PRKG1: variants seen among roughly 807,000 people sequenced by gnomAD.
PRKG1 encodes the protein protein kinase cGMP-dependent 1.
A neutral mutation model predicts 88.1 loss-of-function variants in PRKG1; 35 were observed. The ratio of observed to expected loss-of-function variants is 0.40; its 90% confidence interval spans 0.30 to 0.53. The LOEUF is 0.53. Ranked by LOEUF, PRKG1 falls within the 20% of genes least tolerant of loss-of-function variation. The pLI, the probability that PRKG1 is intolerant of heterozygous loss-of-function variation, is 0.59. For missense variants in PRKG1, 540 were observed against 839.8 expected (o/e 0.64, Z 4.41); for synonymous variants, 303 against 292.5 (o/e 1.04, Z -0.37).
chr10:51,764,821 A>G (rs145389721), intron 3 of PRKG1, among the ~76,000 whole-genome samples: 3 of 152,314 alleles, frequency 2.0e-5, no homozygotes, highest in African/African-American at 7.2e-5. Flanking sequence ...GAGGTGATTA[A>G]ATCACAAGGG....
intron 4 of PRKG1, among the ~76,000 whole-genome samples, chr10:51,866,491 A>G (rs79146755): frequency 0.098 from 14,846 of 151,190 alleles, 965 homozygotes; most frequent in African/African-American, 0.18. Flanking sequence ...ATCTACTATT[A>G]GCTTAAAGCT....
chr10:51,860,443 G>A (rs1395548765), intron 4 of PRKG1, among the ~76,000 whole-genome samples: 2 of 152,174 alleles, frequency 1.3e-5, no homozygotes, highest in Non-Finnish European at 2.9e-5. Context: ...CCAGAAGGAA[G>A]TGACACAAGT....
chr10:51,860,537 C>T (rs1039605325), intron 4 of PRKG1, among the ~76,000 whole-genome samples: 3 of 152,124 alleles, frequency 2.0e-5, no homozygotes, highest in African/African-American at 4.8e-5. Flanking sequence ...ACTGTGCTCC[C>T]GTTTGCCTAG....
chr10:52,180,777 T>C (rs1490688796), intron 9 of PRKG1, among the ~76,000 whole-genome samples: 1 of 151,670 alleles, frequency 6.6e-6, no homozygotes, highest in Non-Finnish European at 1.5e-5. Context: ...GCACGGTGAG[T>C]TGGCCAATTT....
chr10:51,611,319 C>T (rs765247585), intron 3 of PRKG1, among the ~76,000 whole-genome samples: 1 of 151,566 alleles, frequency 6.6e-6, no homozygotes, highest in Non-Finnish European at 1.5e-5. Flanking sequence ...TAGCCATTCT[C>T]ACTAGGGTGA....
At chr10:51,554,525 A>G (rs1837260053) in intron 3 of PRKG1, among the ~76,000 whole-genome samples, 1 of 150,492 alleles carries the variant, frequency 6.6e-6, no homozygotes, top group Non-Finnish European at 1.5e-5. Context: ...TATTTACTCA[A>G]TGATTTTTCA....
rs149372903 is a variant in PRKG1, at chr10:52,058,031, G to C, written c.840+3470G>C. Reference sequence around the variant, plus strand: ...AACAGTAATTATTTATACATGATATGTTTTTAGTTTCTTTTAGGATTTTAT... The same window carrying C: ...AACAGTAATTATTTATACATGATATCTTTTTAGTTTCTTTTAGGATTTTAT... On this transcript the variant is annotated intron_variant, in intron 6 of 17. Coordinates refer to ENST00000373980, the MANE Select transcript of PRKG1 (RefSeq NM_006258.4). Among the ~76,000 whole-genome samples the C allele has an allele frequency of 2.8e-4, 43 of 151,868 alleles. 1 individual carries two copies. Among genetic ancestry groups the C allele is most frequent in the African/African-American group, 9.4e-4 (39 of 41,478 alleles).
Position 52,062,637 on chromosome 10 carries a change from T to C in PRKG1, c.935+6T>C, listed in dbSNP as rs1414256841. ...GGAGAGAAAGCCTTGCAGGGGTAAG[T>C]AGATCATGTGTTATACAGGTTTTTG... On this transcript the variant is annotated splice_donor_region_variant and intron_variant, in intron 7 of 17. Transcript: ENST00000373980. 2 of 1,580,544 alleles carry C rather than the reference T, an allele frequency of 1.3e-6. No individual in the cohort carries two copies. The highest frequency in any genetic ancestry group is 1.7e-6 in the Non-Finnish European group (2 of 1,157,736).
chr10:51,737,703 AT>A (rs1326234393), intron 3 of PRKG1, among the ~76,000 whole-genome samples: 2 of 138,180 alleles, frequency 1.4e-5, no homozygotes, highest in South Asian at 2.4e-4. Context: ...AGGACTCTAT[AT>A]TTTTATTTAT....
At chr10:51,046,155 C>T (rs1843486038) in intron 1 of PRKG1, among the ~76,000 whole-genome samples, 1 of 152,222 alleles carries the variant, frequency 6.6e-6, no homozygotes, top group African/African-American at 2.4e-5. Context: ...CAATTGTTTA[C>T]ATAGGAACCT....
At chr10:51,448,462 A>G (rs1405636400) in intron 2 of PRKG1, among the ~76,000 whole-genome samples, 6 of 152,028 alleles carry the variant, frequency 3.9e-5, no homozygotes, top group East Asian at 1.9e-4. Context: ...CATGAAGTGT[A>G]TTACTTTCCC....
intron 3 of PRKG1, among the ~76,000 whole-genome samples, chr10:51,470,869 G>GA (rs1216767102): frequency 1.3e-5 from 2 of 151,778 alleles, no homozygotes; most frequent in African/African-American, 2.4e-5. Context: ...TTTCATCTGG[G>GA]AAAAAATAAA....
intron 1 of PRKG1, among the ~76,000 whole-genome samples, chr10:51,036,319 T>C (rs1843353756): frequency 6.6e-6 from 1 of 152,208 alleles, no homozygotes; most frequent in Admixed American, 6.5e-5. Context: ...GTATATTTGT[T>C]GAACAGATGA....
intron 12 of PRKG1, among the ~76,000 whole-genome samples, chr10:52,274,126 TA>T (rs200675572): frequency 9.2e-5 from 14 of 152,100 alleles, no homozygotes; most frequent in East Asian, 5.8e-4. Context: ...TATAGCTTAT[TA>T]TTTTTTTATT....
intron 2 of PRKG1, among the ~76,000 whole-genome samples, chr10:51,163,838 G>T (rs1021199897): frequency 2.6e-5 from 4 of 152,202 alleles, no homozygotes; most frequent in African/African-American, 9.6e-5. Flanking sequence ...CAGCGAGGCT[G>T]GGGGAGGGGC....
At chr10:51,983,792 G>A (rs1423158874) in intron 5 of PRKG1, among the ~76,000 whole-genome samples, 1 of 152,202 alleles carries the variant, frequency 6.6e-6, no homozygotes, top group Non-Finnish European at 1.5e-5. Flanking sequence ...AGAAGCCCAT[G>A]GCGAGAAGAG....
chr10:51,835,468 T>C (rs944185891), intron 4 of PRKG1, among the ~76,000 whole-genome samples: 1 of 152,216 alleles, frequency 6.6e-6, no homozygotes, highest in African/African-American at 2.4e-5. Flanking sequence ...TTAACAGTTG[T>C]ATTTGCAGAG....
intron 4 of PRKG1, among the ~76,000 whole-genome samples, chr10:51,861,432 C>T (rs1377476558): frequency 6.6e-6 from 1 of 152,106 alleles, no homozygotes; most frequent in Non-Finnish European, 1.5e-5. Flanking sequence ...GAAGTTGTTA[C>T]TATTTTTATA....
In PRKG1 at chr10:51,950,016, C is replaced by G. The variant is rs142674425; in HGVS notation, c.762+42446C>G. On this transcript the variant is annotated intron_variant, in intron 5 of 17. Coordinates refer to ENST00000373980, the MANE Select transcript of PRKG1 (RefSeq NM_006258.4). Reference sequence around the variant, plus strand: ...GCTGCTACAGTCTTTATTGAGCTTCCTGTCACCAAAGGCATTTTAGCAATT... The same window carrying G: ...GCTGCTACAGTCTTTATTGAGCTTCGTGTCACCAAAGGCATTTTAGCAATT... 1.5e-3 allele frequency among the ~76,000 whole-genome samples: 225 copies of G among 152,264 alleles called. 1 individual carries two copies. Among genetic ancestry groups the G allele is most frequent in the Non-Finnish European group, 1.2e-3 (83 of 68,014 alleles).
Sources: allele counts gnomAD v4.1 joint callset (sites outside exome capture counted in the v4.1 genomes callset), GRCh38; gene constraint gnomAD v4.1.1; transcripts MANE v1.5; gene names NCBI Gene and HGNC (gene_info 2026-07-23, HGNC 2026-07-21).